Variants in ENTREP2 observed in about 807,000 individuals in gnomAD.
The protein encoded by ENTREP2 is protein ENTREP2.
At chr15:29,233,821 C>T in the ENTREP2 span, 45 of 1,576,876 alleles carry the variant, frequency 2.9e-5, no homozygotes, top group Admixed American at 1.5e-4. Flanking sequence ...CACTGTCTGG[C>T]GAAGATTAAA....
At chr15:29,402,265 TACACACAC>T in the ENTREP2 span, among the ~76,000 whole-genome samples, 12 of 137,700 alleles carry the variant, frequency 8.7e-5, no homozygotes, top group South Asian at 4.8e-4. Context: ...TATATATATA[TACACACAC>T]ATATATATGT....
At chr15:29,197,456 T>C in the ENTREP2 span, among the ~76,000 whole-genome samples, 1 of 152,054 alleles carries the variant, frequency 6.6e-6, no homozygotes, top group Non-Finnish European at 1.5e-5. Flanking sequence ...AATAAAGTCC[T>C]AGATGTAAAA....
chr15:29,412,392 ACAATTG>A, the ENTREP2 span, among the ~76,000 whole-genome samples: 1 of 152,128 alleles, frequency 6.6e-6, no homozygotes, highest in Non-Finnish European at 1.5e-5. Context: ...GTATAAAGAT[ACAATTG>A]ATTTTTGGTA....
chr15:29,232,224 G>A, the ENTREP2 span, among the ~76,000 whole-genome samples: 10 of 152,032 alleles, frequency 6.6e-5, no homozygotes, highest in African/African-American at 9.7e-5. Context: ...GAAGTACAAA[G>A]AAAGTTTTCT....
At chr15:29,308,541 G>A in the ENTREP2 span, among the ~76,000 whole-genome samples, 7 of 152,108 alleles carry the variant, frequency 4.6e-5, no homozygotes, top group Admixed American at 1.3e-4. Flanking sequence ...CCTTACCAGC[G>A]GTGCGGCCCT....
chr15:29,226,686 G>A, the ENTREP2 span, among the ~76,000 whole-genome samples: 3 of 152,290 alleles, frequency 2.0e-5, no homozygotes, highest in East Asian at 3.9e-4. Context: ...GGACCCTGGC[G>A]ACATAATTGG....
the ENTREP2 span, among the ~76,000 whole-genome samples, chr15:29,428,416 TG>T: frequency 2.0e-5 from 3 of 152,108 alleles, no homozygotes; most frequent in African/African-American, 7.2e-5. Context: ...GGTTTCACCA[TG>T]TTGACCAGGC....
chr15:29,342,035 T>A, the ENTREP2 span, among the ~76,000 whole-genome samples: 8 of 152,198 alleles, frequency 5.3e-5, no homozygotes, highest in African/African-American at 1.9e-4. Context: ...AGGGGTAATG[T>A]TGCAAGTAGA....
chr15:29,469,740 G>A, the ENTREP2 span, among the ~76,000 whole-genome samples: 1 of 151,914 alleles, frequency 6.6e-6, no homozygotes, highest in Non-Finnish European at 1.5e-5. Context: ...TTTCACATAT[G>A]TGTATTTTAC....
chr15:29,651,169 G>T, the ENTREP2 span, among the ~76,000 whole-genome samples: 1 of 152,154 alleles, frequency 6.6e-6, no homozygotes, highest in African/African-American at 2.4e-5. Flanking sequence ...CCATGCACTG[G>T]TAAGTTTTAC....
At chr15:29,454,990 T>C in the ENTREP2 span, among the ~76,000 whole-genome samples, 2 of 152,252 alleles carry the variant, frequency 1.3e-5, no homozygotes, top group South Asian at 2.1e-4. Flanking sequence ...AGTCCTCCCA[T>C]GGAAAGAGGA....
the ENTREP2 span, among the ~76,000 whole-genome samples, chr15:29,459,330 C>T: frequency 5.6e-3 from 859 of 152,216 alleles, 7 homozygotes; most frequent in African/African-American, 0.02. Context: ...TCTATGAAAT[C>T]GTTGGTGTGA....
At chr15:29,183,334 C>A in the ENTREP2 span, among the ~76,000 whole-genome samples, 1 of 152,192 alleles carries the variant, frequency 6.6e-6, no homozygotes, top group South Asian at 2.1e-4. Context: ...GCAAGGCTGC[C>A]TTTTCCACTG....
the ENTREP2 span, among the ~76,000 whole-genome samples, chr15:29,294,651 G>GA: frequency 3.3e-5 from 5 of 152,292 alleles, no homozygotes; most frequent in Admixed American, 1.3e-4. Context: ...GTAAATCTTA[G>GA]AATCTTGGAA....
chr15:29,283,239 C>G, the ENTREP2 span, among the ~76,000 whole-genome samples: 2 of 152,186 alleles, frequency 1.3e-5, no homozygotes, highest in Non-Finnish European at 2.9e-5. Context: ...CAATTCAGCT[C>G]TACTTGATTC....
chr15:29,537,369 A>G, the ENTREP2 span, among the ~76,000 whole-genome samples: 1 of 152,190 alleles, frequency 6.6e-6, no homozygotes, highest in African/African-American at 2.4e-5. Context: ...TTATCCTTAT[A>G]TATACAACCA....
the ENTREP2 span, among the ~76,000 whole-genome samples, chr15:29,657,446 G>C: frequency 7.3e-5 from 10 of 136,178 alleles, no homozygotes; most frequent in South Asian, 1.0e-3. Flanking sequence ...CCACACAGAA[G>C]TGGACCCCTG....
At chr15:29,487,516 TCTC>T in the ENTREP2 span, among the ~76,000 whole-genome samples, 1 of 152,150 alleles carries the variant, frequency 6.6e-6, no homozygotes, top group East Asian at 1.9e-4. Flanking sequence ...CTCAAGGAAA[TCTC>T]TTTGACAGCA....
At chr15:29,451,105 TA>T in the ENTREP2 span, among the ~76,000 whole-genome samples, 3 of 151,280 alleles carry the variant, frequency 2.0e-5, no homozygotes, top group Non-Finnish European at 3.0e-5. Context: ...AAATAAAGGT[TA>T]AAAAAAAAGA....
Sources: gnomAD v4.1 joint callset for allele counts (sites outside exome capture counted in the v4.1 genomes callset) on GRCh38, gnomAD v4.1.1 for gene constraint, MANE v1.5 for transcripts, NCBI Gene and HGNC (gene_info 2026-07-23, HGNC 2026-07-21) for gene names.